Variants in B3GLCT observed in about 807,000 individuals in gnomAD.
The protein encoded by B3GLCT is beta-1,3-glucosyltransferase.
In B3GLCT, 65 loss-of-function variants were observed where a neutral mutation model predicts 63.4. The ratio of observed to expected loss-of-function variants is 1.03; its 90% confidence interval spans 0.84 to 1.26. The LOEUF (loss-of-function observed/expected upper bound fraction) is 1.26, where lower values mean the gene tolerates loss of function less well. Among genes scored for constraint, B3GLCT ranks in the 50% most tolerant of loss-of-function variants. B3GLCT has a pLI of 0.00. For synonymous variants in B3GLCT, 233 were observed against 219.2 expected (o/e 1.06, Z -0.55); for missense variants, 577 against 604.8 (o/e 0.95, Z 0.48).
At chr13:31,291,935 G>A (rs1873680625) in intron 12 of B3GLCT, among the ~76,000 whole-genome samples, 1 of 152,162 alleles carries the variant, frequency 6.6e-6, no homozygotes, top group Non-Finnish European at 1.5e-5. Flanking sequence ...CATTCAGTAT[G>A]ATATTGGCTG....
At chr13:31,242,657 A>G (rs1182440076) in intron 4 of B3GLCT, among the ~76,000 whole-genome samples, 4 of 152,228 alleles carry the variant, frequency 2.6e-5, no homozygotes, top group Non-Finnish European at 5.9e-5. Context: ...CAAAAATCAG[A>G]TCCTTAAATA....
Position 31,229,151 on chromosome 13 carries a change from A to C in B3GLCT, c.161-34A>C, listed in dbSNP as rs765269205. On this transcript the variant is annotated intron_variant, in intron 3 of 14. Transcript: ENST00000343307. Reference sequence around the variant, plus strand: ...AGTTTATTTTAATAATTTTGTAAAAAGAAATACCTGAAAACTATTTTTTTT... The same window carrying C: ...AGTTTATTTTAATAATTTTGTAAAACGAAATACCTGAAAACTATTTTTTTT... 36 of 1,364,478 alleles carry C rather than the reference A, an allele frequency of 2.6e-5. No individual in the cohort carries two copies. The Middle Eastern group carries it at 5.4e-4, about 20-fold the overall frequency. The allele number at this position is 1,364,478 out of a possible 1,614,324, so 84.5% of individuals were successfully genotyped here. A position where few individuals can be genotyped will look rare whatever the true frequency, so the allele number is the denominator to read the frequency against.
intron 12 of B3GLCT, among the ~76,000 whole-genome samples, chr13:31,300,408 T>G (rs911238161): frequency 2.6e-5 from 4 of 152,216 alleles, no homozygotes; most frequent in African/African-American, 9.6e-5. Flanking sequence ...ATAAAACCAG[T>G]TCATTAAGAC....
intron 1 of B3GLCT, among the ~76,000 whole-genome samples, chr13:31,202,383 G>A (rs1331072294): frequency 6.6e-6 from 1 of 152,176 alleles, no homozygotes; most frequent in Non-Finnish European, 1.5e-5. Flanking sequence ...GGCTTTTAGT[G>A]GCTTTGAGCT....
chr13:31,256,703 A>G (rs572055521), intron 6 of B3GLCT, among the ~76,000 whole-genome samples: 1 of 152,298 alleles, frequency 6.6e-6, no homozygotes, highest in South Asian at 2.1e-4. Context: ...GTTCTCACTC[A>G]TAAGTGGGAG....
intron 13 of B3GLCT, among the ~76,000 whole-genome samples, chr13:31,318,852 G>A (rs1010617690): frequency 6.6e-6 from 1 of 152,112 alleles, no homozygotes; most frequent in African/African-American, 2.4e-5. Context: ...TAGCATGATG[G>A]CGTTCATATA....
chr13:31,230,497 G>A (rs1272476465), intron 4 of B3GLCT, among the ~76,000 whole-genome samples: 1 of 152,186 alleles, frequency 6.6e-6, no homozygotes, highest in Non-Finnish European at 1.5e-5. Flanking sequence ...AGCCTTAACA[G>A]TATTCAAGGC....
chr13:31,329,731 A>T lies in B3GLCT; in HGVS notation c.*63A>T, dbSNP rs765328960. On this transcript the variant is annotated 3_prime_UTR_variant, in exon 15 of 15. Transcript: ENST00000343307. ...GAACTGGAGACTGTGGCCTCATCCCACTGTGCTGTGCTCACAACACTTGTG... is the reference window on the plus strand; with the variant it reads ...GAACTGGAGACTGTGGCCTCATCCCTCTGTGCTGTGCTCACAACACTTGTG... The T allele has an allele frequency of 2.8e-5, 44 of 1,571,742 alleles. No homozygotes were observed. The highest frequency in any genetic ancestry group is 2.0e-4 in the Middle Eastern group (1 of 4,990).
intron 12 of B3GLCT, among the ~76,000 whole-genome samples, chr13:31,297,386 T>G (rs1420664145): frequency 6.6e-6 from 1 of 151,772 alleles, no homozygotes; most frequent in South Asian, 2.1e-4. Flanking sequence ...TTTTTTTTTT[T>G]TTTTTTTTGA....
At chr13:31,299,387 A>C (rs1404944872) in intron 12 of B3GLCT, among the ~76,000 whole-genome samples, 1 of 152,126 alleles carries the variant, frequency 6.6e-6, no homozygotes, top group African/African-American at 2.4e-5. Flanking sequence ...TCTTCTGTTT[A>C]GTTGTTTTTT....
chr13:31,230,740 T>C (rs1870335605), intron 4 of B3GLCT, among the ~76,000 whole-genome samples: 1 of 152,216 alleles, frequency 6.6e-6, no homozygotes, highest in South Asian at 2.1e-4. Flanking sequence ...CTGGGTGCAG[T>C]GGCTCACGCC....
chr13:31,264,891 C>G (rs944810517), intron 7 of B3GLCT, among the ~76,000 whole-genome samples: 57 of 152,172 alleles, frequency 3.7e-4, no homozygotes, highest in African/African-American at 1.4e-3. Flanking sequence ...AATACTTTTG[C>G]TGTAATTGGG....
chr13:31,254,763 C>T (rs1871639790), intron 6 of B3GLCT, among the ~76,000 whole-genome samples: 1 of 152,070 alleles, frequency 6.6e-6, no homozygotes, highest in South Asian at 2.1e-4. Context: ...TTAGAAAACC[C>T]CATAGTGGCC....
At chr13:31,251,885 C>T (rs999036105) in intron 6 of B3GLCT, among the ~76,000 whole-genome samples, 1 of 152,054 alleles carries the variant, frequency 6.6e-6, no homozygotes, top group African/African-American at 2.4e-5. Context: ...AGATACTCCT[C>T]GAGAAGAGCA....
intron 11 of B3GLCT, among the ~76,000 whole-genome samples, chr13:31,285,749 A>G (rs1278300565): frequency 1.3e-5 from 2 of 152,112 alleles, no homozygotes; most frequent in African/African-American, 2.4e-5. Context: ...GTAGTTACCA[A>G]TTCTTCTAAC....
chr13:31,226,665 G>A (rs1870118299), intron 3 of B3GLCT, among the ~76,000 whole-genome samples: 1 of 151,796 alleles, frequency 6.6e-6, no homozygotes, highest in Non-Finnish European at 1.5e-5. Flanking sequence ...AAACTCCTGG[G>A]CCCAAGCAAT....
chr13:31,305,431 G>A (rs1227424555), intron 12 of B3GLCT, among the ~76,000 whole-genome samples: 1 of 55,536 alleles, frequency 1.8e-5, no homozygotes, highest in African/African-American at 6.3e-5. Context: ...TAGACCGCTA[G>A]CAAGACTAAT....
intron 12 of B3GLCT, 57 bp from the exon 13 acceptor site, chr13:31,317,508 GT>G: frequency 6.2e-7 from 1 of 1,605,948 alleles, no homozygotes; most frequent in South Asian, 1.1e-5. Flanking sequence ...ACCATAAACT[GT>G]TCCATAACCA....
intron 1 of B3GLCT, among the ~76,000 whole-genome samples, chr13:31,213,633 C>CCCCT (rs1555244552): frequency 7.9e-6 from 1 of 126,450 alleles, no homozygotes; most frequent in Non-Finnish European, 1.7e-5. Context: ...CCCCCCCCCC[C>CCCCT]GCCAAAACTC....
Sources: allele counts gnomAD v4.1 joint callset (sites outside exome capture counted in the v4.1 genomes callset), GRCh38; gene constraint gnomAD v4.1.1; transcripts MANE v1.5; gene names NCBI Gene and HGNC (gene_info 2026-07-23, HGNC 2026-07-21).